TWIST2: variants seen among roughly 807,000 people sequenced by gnomAD.
The protein encoded by TWIST2 is twist-related protein 2.
Under a neutral mutation model 11.6 loss-of-function variants are expected in TWIST2, and 1 was observed. The observed-to-expected ratio is 0.09, with a 90% CI of 0.03 to 0.41. The LOEUF is 0.41. Among genes scored for constraint, TWIST2 ranks in the 10% least tolerant of loss-of-function variants. The probability of loss-of-function intolerance (pLI) is 0.98; values close to 1 mark genes in which losing one functional copy is unlikely to be tolerated. For missense variants in TWIST2, 168 were observed against 226.4 expected, an observed-to-expected ratio of 0.74 and a Z score of 1.66; for synonymous variants, 87 against 96.6, an observed-to-expected ratio of 0.90 and a Z score of 0.58.
At chr2:238,905,422 G>T (rs969013807) in intron 1 of TWIST2, among the ~76,000 whole-genome samples, 66 of 152,250 alleles carry the variant, frequency 4.3e-4, no homozygotes, top group Admixed American at 1.2e-3. Flanking sequence ...CAGAGAACAC[G>T]GCCCATGTCA....
At chr2:238,868,293 C>T (rs1448876641) in intron 1 of TWIST2, among the ~76,000 whole-genome samples, 2 of 152,224 alleles carry the variant, frequency 1.3e-5, no homozygotes, top group Non-Finnish European at 2.9e-5. Context: ...CTCCAGGTCT[C>T]AAACCTGACT....
chr2:238,909,540 G>C (rs932306870), intron 1 of TWIST2, among the ~76,000 whole-genome samples: 294 of 152,286 alleles, frequency 1.9e-3, no homozygotes, highest in African/African-American at 6.8e-3. Flanking sequence ...CGCTGAGCAC[G>C]GGCCAGGGAG....
At chr2:238,851,648 T>G (rs999626103) in intron 1 of TWIST2, among the ~76,000 whole-genome samples, 1 of 152,164 alleles carries the variant, frequency 6.6e-6, no homozygotes, top group East Asian at 1.9e-4. Context: ...TATGTGAGCC[T>G]TTTCCTCCCT....
intron 1 of TWIST2, among the ~76,000 whole-genome samples, chr2:238,849,827 C>T (rs1352772576): frequency 1.3e-5 from 2 of 152,232 alleles, no homozygotes; most frequent in Non-Finnish European, 2.9e-5. Context: ...AGCAGGCGAG[C>T]CCCTCTCTCA....
rs752725240 is a variant in TWIST2 at position 238,864,857 on chromosome 2, G to A, written c.*35+16124G>A. Among the ~76,000 whole-genome samples, 26 of 151,952 alleles carry A rather than the reference G, an allele frequency of 1.7e-4. No homozygotes were observed. The highest frequency in any genetic ancestry group is 1.3e-4 in the Non-Finnish European group (9 of 67,940). On this transcript the variant is annotated intron_variant, in intron 1 of 1. Coordinates refer to ENST00000612363, the MANE Select transcript of TWIST2 (RefSeq NM_001271893.4). The surrounding 1 kb of genome is among the most constrained non-coding windows in gnomAD (Gnocchi z 4.7). ...CTTAGGGACCCCTGGAAGGTCCAGA[G>A]TGCAGGGTGTGTGGCCAGGCCAGGC...
rs150160531 is a variant in TWIST2, at chr2:238,879,605, G to A, written c.*36-30237G>A. Among the ~76,000 whole-genome samples the A allele has an allele frequency of 3.6e-3, 548 of 152,262 alleles. 2 individuals are homozygous for A. Among genetic ancestry groups the A allele is most frequent in the African/African-American group, 0.013 (521 of 41,546 alleles). ...ATGCCCAGCTAGGAAGGCATGCGCT[G>A]CAAATCACTTGCCCAGAAACCAGGG... On this transcript the variant is annotated intron_variant, in intron 1 of 1. Coordinates refer to ENST00000612363, the MANE Select transcript of TWIST2 (RefSeq NM_001271893.4).
Position 238,895,711 on chromosome 2 carries a change from C to T in TWIST2, c.*36-14131C>T, listed in dbSNP as rs1027526472. Among the ~76,000 whole-genome samples, 535 of 152,266 alleles carry T rather than the reference C, an allele frequency of 3.5e-3. 6 individuals carry two copies. The highest frequency in any genetic ancestry group is 0.013 in the African/African-American group (520 of 41,544). On this transcript the variant is annotated intron_variant, in intron 1 of 1. Transcript: ENST00000612363. Reference sequence around the variant, plus strand: ...GAGGGTGGGGTAGATCCTGACGGACCGGTCAGACTCTGCGGCCTCAGCCCC... The same window carrying T: ...GAGGGTGGGGTAGATCCTGACGGACTGGTCAGACTCTGCGGCCTCAGCCCC...
intron 1 of TWIST2, among the ~76,000 whole-genome samples, chr2:238,875,012 A>G (rs971124972): frequency 6.6e-6 from 1 of 152,164 alleles, no homozygotes; most frequent in Non-Finnish European, 1.5e-5. Flanking sequence ...ACCAAGGAGG[A>G]AGCTGGCTGG....
intron 1 of TWIST2, among the ~76,000 whole-genome samples, chr2:238,856,030 G>A (rs1692322866): frequency 1.3e-5 from 2 of 152,162 alleles, no homozygotes; most frequent in African/African-American, 4.8e-5. Flanking sequence ...TGGTGCAGAA[G>A]GACCTGTTTC....
At chr2:238,849,249 C>T (rs1203147424) in intron 1 of TWIST2, among the ~76,000 whole-genome samples, 1 of 152,184 alleles carries the variant, frequency 6.6e-6, no homozygotes, top group Non-Finnish European at 1.5e-5. Flanking sequence ...TCAGATCTAC[C>T]CAGCTGCTCG....
chr2:238,851,087 A>G lies in TWIST2; in HGVS notation c.*35+2354A>G, dbSNP rs186443636. 5.3e-5 allele frequency among the ~76,000 whole-genome samples: 8 copies of G among 152,374 alleles called. No homozygotes were observed. In the East Asian group the frequency reaches 1.5e-3, roughly 29 times the overall value. ...AGCATTTCTAAGAAGCATTAATTAT[A>G]TGCATCAGCAAAGAATCTCTAGACA... On this transcript the variant is annotated intron_variant, in intron 1 of 1. Transcript: ENST00000612363.
intron 1 of TWIST2, among the ~76,000 whole-genome samples, chr2:238,874,059 A>G (rs1332092216): frequency 1.3e-5 from 2 of 152,148 alleles, no homozygotes; most frequent in African/African-American, 4.8e-5. Flanking sequence ...TTTGGAAGAC[A>G]AGGGGCCTGA....
rs1328934894 is a variant in TWIST2, at chr2:238,864,734, TC to T, written c.*35+16003del. The stretch of plus-strand genomic sequence containing the variant: ...CCCTGGGGTCCACCCTGCCGCGGGG[TC>T]CACTTGGTATAGGCACCCACCAGGC... On this transcript the variant is annotated intron_variant, in intron 1 of 1. Coordinates refer to ENST00000612363, the MANE Select transcript of TWIST2 (RefSeq NM_001271893.4). The surrounding 1 kb of genome is among the most constrained non-coding windows in gnomAD (Gnocchi z 4.7). 1.3e-5 allele frequency among the ~76,000 whole-genome samples: 2 copies of T among 151,888 alleles called. No homozygotes were observed. The highest frequency in any genetic ancestry group is 2.9e-5 in the Non-Finnish European group (2 of 67,960).
chr2:238,894,789 A>G (rs995566179), intron 1 of TWIST2, among the ~76,000 whole-genome samples: 13,339 of 152,146 alleles, frequency 0.088, 601 homozygotes, highest in Non-Finnish European at 0.11. Flanking sequence ...GCAATCCCGA[A>G]TTCTGTGACG....
intron 1 of TWIST2, among the ~76,000 whole-genome samples, chr2:238,889,913 C>T (rs1407633871): frequency 6.6e-6 from 1 of 152,098 alleles, no homozygotes; most frequent in Admixed American, 6.5e-5. Flanking sequence ...ACCCACATGT[C>T]GGCGAGGGTG....
chr2:238,848,581 G>C lies in TWIST2; in HGVS notation c.366G>C (p.Gln122His). ...RYIDFLYQVL[Q>H]SDEMDNKMTS... ...TAGACTTCCTCTACCAGGTCCTGCA[G>C]AGCGACGAGATGGACAATAAGATGA... The change falls in exon 1 of 2, where the codon CAG becomes CAC. Residue 122 changes from glutamine (Q) to histidine (H), a missense_variant. Around this residue, in one of 3 missense-constraint regions of TWIST2, gnomAD observed 62 missense variants for 75.3 expected, o/e 0.82. Transcript: ENST00000612363. 1.9e-6 allele frequency: 3 copies of C among 1,575,948 alleles called. No homozygotes were observed. The highest frequency in any genetic ancestry group is 2.6e-6 in the Non-Finnish European group (3 of 1,165,040).
At chr2:238,862,227 T>C (rs557716751) in intron 1 of TWIST2, among the ~76,000 whole-genome samples, 39 of 152,268 alleles carry the variant, frequency 2.6e-4, no homozygotes, top group African/African-American at 9.4e-4. Context: ...ATAAATAAAA[T>C]AGCAAAATAA....
At chr2:238,892,527 C>A (rs929504621) in intron 1 of TWIST2, among the ~76,000 whole-genome samples, 29 of 152,170 alleles carry the variant, frequency 1.9e-4, no homozygotes, top group Non-Finnish European at 2.9e-5. Context: ...GTCGCCCAGG[C>A]TGGAGTGCAG....
At position 238,848,571 on chromosome 2, in the gene TWIST2, A is replaced by G. The variant is rs1692176955; in HGVS notation, c.356A>G (p.Gln119Arg). The part of the protein sequence containing the change: ...LAARYIDFLY[Q>R]VLQSDEMDNK... Reference sequence around the variant, plus strand: ...GCCAGGTACATAGACTTCCTCTACCAGGTCCTGCAGAGCGACGAGATGGAC... The same window carrying G: ...GCCAGGTACATAGACTTCCTCTACCGGGTCCTGCAGAGCGACGAGATGGAC... The change falls in exon 1 of 2, where the codon CAG becomes CGG. Residue 119 changes from glutamine to arginine, a missense_variant. Coordinates refer to ENST00000612363, the MANE Select transcript of TWIST2 (RefSeq NM_001271893.4). 2 of 1,582,700 alleles carry G rather than the reference A, an allele frequency of 1.3e-6. No individual in the cohort carries two copies. The highest frequency in any genetic ancestry group is 2.7e-5 in the African/African-American group (2 of 74,184).
Sources: gnomAD v4.1 joint callset for allele counts (sites outside exome capture counted in the v4.1 genomes callset) on GRCh38, gnomAD v4.1.1 for gene constraint, gnomAD v4.1.1 regional missense constraint, Gnocchi (gnomAD v3.1) non-coding constraint, MANE v1.5 for transcripts, NCBI Gene and HGNC (gene_info 2026-07-23, HGNC 2026-07-21) for gene names.